Variants in FRMD5 observed in about 807,000 individuals in gnomAD.
FRMD5 encodes the protein FERM domain-containing protein 5.
FRMD5 carries 20 observed loss-of-function variants against 69.0 expected under a neutral mutation model. The ratio of observed to expected loss-of-function variants is 0.29; its 90% confidence interval spans 0.20 to 0.42. FRMD5 has a LOEUF of 0.42. Among genes scored for constraint, FRMD5 ranks in the 10% least tolerant of loss-of-function variants. The probability of loss-of-function intolerance (pLI) is 1.00; values close to 1 mark genes in which losing one functional copy is unlikely to be tolerated. For synonymous variants in FRMD5, 271 were observed against 260.1 expected, an observed-to-expected ratio of 1.04 and a Z score of -0.40; for missense variants, 595 against 708.6, an observed-to-expected ratio of 0.84 and a Z score of 1.82.
chr15:44,139,727 CAAAAAAAA>C (rs71111842), intron 1 of FRMD5, among the ~76,000 whole-genome samples: 2 of 72,026 alleles, frequency 2.8e-5, no homozygotes, highest in Non-Finnish European at 4.8e-5. Flanking sequence ...CCAGTCTCTA[CAAAAAAAA>C]AAAAAAAAAA....
intron 1 of FRMD5, among the ~76,000 whole-genome samples, chr15:43,960,875 A>C (rs2090188001): frequency 6.6e-6 from 1 of 152,026 alleles, no homozygotes; most frequent in Non-Finnish European, 1.5e-5. Flanking sequence ...GACAAATTGA[A>C]GTCTAATCTT....
intron 1 of FRMD5, among the ~76,000 whole-genome samples, chr15:43,992,600 A>C (rs1889739218): frequency 6.6e-6 from 1 of 151,646 alleles, no homozygotes; most frequent in Non-Finnish European, 1.5e-5. Context: ...CTGGTCTCGA[A>C]CTCCTGATCT....
chr15:43,976,523 A>T (rs1053626080), intron 1 of FRMD5, among the ~76,000 whole-genome samples: 3 of 152,224 alleles, frequency 2.0e-5, no homozygotes, highest in African/African-American at 7.2e-5. Context: ...GGTGTTAGGA[A>T]GAGTTTTAAA....
chr15:44,096,822 TCAC>T (rs1171435673), intron 1 of FRMD5, among the ~76,000 whole-genome samples: 1 of 152,142 alleles, frequency 6.6e-6, no homozygotes, highest in East Asian at 1.9e-4. Context: ...CAATGTGCAG[TCAC>T]CACTCTGTAT....
intron 4 of FRMD5, among the ~76,000 whole-genome samples, chr15:43,918,548 T>C (rs903346788): frequency 6.6e-6 from 1 of 152,200 alleles, no homozygotes; most frequent in African/African-American, 2.4e-5. Flanking sequence ...AACCCGTCTA[T>C]ATGGCTGGCA....
intron 4 of FRMD5, among the ~76,000 whole-genome samples, chr15:43,911,095 T>G (rs1427812563): frequency 6.6e-6 from 1 of 152,240 alleles, no homozygotes; most frequent in Non-Finnish European, 1.5e-5. Context: ...TTGCTCTTCT[T>G]AGAAGACCTG....
chr15:44,042,561 A>G lies in FRMD5; in HGVS notation c.103-118252T>C, dbSNP rs538261312. ...ACTGGCAAACTGAATCCAGCAGCACATCAAAAAGCTTATCCACCACGATCA... is the reference window on the plus strand; with the variant it reads ...ACTGGCAAACTGAATCCAGCAGCACGTCAAAAAGCTTATCCACCACGATCA... On this transcript the variant is annotated intron_variant, in intron 1 of 13. Coordinates refer to ENST00000417257, the MANE Select transcript of FRMD5 (RefSeq NM_032892.5). 3.3e-5 allele frequency among the ~76,000 whole-genome samples: 5 copies of G among 152,360 alleles called. No individual in the cohort carries two copies. The South Asian group carries it at 1.0e-3, about 32-fold the overall frequency.
chr15:44,091,729 T>A (rs897698229), intron 1 of FRMD5, among the ~76,000 whole-genome samples: 4 of 152,192 alleles, frequency 2.6e-5, no homozygotes, highest in Non-Finnish European at 5.9e-5. Flanking sequence ...TTTTTTTTAT[T>A]GAGAAAAGAA....
upstream of FRMD5, among the ~76,000 whole-genome samples, chr15:44,199,358 T>C (rs563076126): frequency 1.3e-5 from 2 of 152,358 alleles, no homozygotes; most frequent in South Asian, 2.1e-4. Context: ...TTCTGGTTCA[T>C]GTGGCTGAAG....
At chr15:44,197,055 G>T (rs2615302), upstream of FRMD5, among the ~76,000 whole-genome samples, 31 of 152,164 alleles carry the variant, frequency 2.0e-4, no homozygotes, top group African/African-American at 7.0e-4. Flanking sequence ...ACAAAAATTA[G>T]CCGGGTGTGG....
In FRMD5 at chr15:44,088,801, T is replaced by G. The variant is rs1379416447; in HGVS notation, c.102+106152A>C. 5.3e-5 allele frequency among the ~76,000 whole-genome samples: 8 copies of G among 152,266 alleles called. No individual in the cohort carries two copies. The East Asian group carries it at 1.5e-3, about 29-fold the overall frequency. ...TTTTACAAAGGAGGAAGCTGAGATT[T>G]AGAAAGGTTAACTAGCTCGCCCAAA... On this transcript the variant is annotated intron_variant, in intron 1 of 13. Transcript: ENST00000417257.
chr15:44,037,490 A>G (rs1196988837), intron 1 of FRMD5, among the ~76,000 whole-genome samples: 1 of 133,546 alleles, frequency 7.5e-6, no homozygotes, highest in Non-Finnish European at 1.6e-5. Flanking sequence ...TTTTTTTGAT[A>G]TGGAGTCTTG....
chr15:43,888,816 T>C lies in FRMD5; in HGVS notation c.785A>G (p.Gln262Arg). 1 of 1,613,644 alleles carries C rather than the reference T, an allele frequency of 6.2e-7. No individual in the cohort carries two copies. Among genetic ancestry groups the C allele is most frequent in the Non-Finnish European group, 8.5e-7 (1 of 1,179,510 alleles). The change falls in exon 9 of 14, where the codon CAG (glutamine) becomes CGG (arginine). Residue 262 changes from glutamine (Q) to arginine (R), a missense_variant. Physicochemically the swap from Gln to Arg is conservative, Grantham distance 43 (BLOSUM62 1). This residue lies in a region of FRMD5 where 176 missense variants were observed against 266.3 expected (regional missense o/e 0.66). Transcript: ENST00000417257. ...AAGGAAGCCAGCACTCACCTCTTTC[T>C]GACTTACGTATAAATAGAAAGTCTT... ...EGKTFYLYVS[Q>R]KEEKKIILTY...
chr15:44,022,147 T>C (rs891529375), intron 1 of FRMD5, among the ~76,000 whole-genome samples: 2 of 152,280 alleles, frequency 1.3e-5, no homozygotes, highest in Middle Eastern at 3.4e-3. Context: ...AGTAATAGTT[T>C]CTGTTTGGGA....
chr15:44,165,679 T>C (rs1337135804), intron 1 of FRMD5, among the ~76,000 whole-genome samples: 1 of 151,646 alleles, frequency 6.6e-6, no homozygotes, highest in African/African-American at 2.4e-5. Flanking sequence ...CTACAAAAAA[T>C]ACAAAAATTA....
intron 1 of FRMD5, among the ~76,000 whole-genome samples, chr15:44,096,098 C>T (rs925873879): frequency 2.7e-5 from 4 of 148,378 alleles, no homozygotes; most frequent in Admixed American, 6.8e-5. Context: ...CCAAGATATT[C>T]GGGAGGCTGA....
Position 43,905,842 on chromosome 15 carries a change from G to C in FRMD5, c.537C>G (p.His179Gln), listed in dbSNP as rs1029898743. Reference sequence around the variant, plus strand: ...GTGCCACGTACCTCAGTTCCGTCTTGTGAATCTCAGCAATTTTCCTTTCCA... The same window carrying C: ...GTGCCACGTACCTCAGTTCCGTCTTCTGAATCTCAGCAATTTTCCTTTCCA... The part of the protein sequence containing the change: ...EKLERKIAEI[H>Q]KTELSGQTPA... The change falls in exon 6 of 14, where the codon CAC becomes CAG. Residue 179 changes from histidine to glutamine, a missense_variant. Coordinates refer to ENST00000417257, the MANE Select transcript of FRMD5 (RefSeq NM_032892.5). 1.2e-6 allele frequency: 2 copies of C among 1,614,098 alleles called. No individual in the cohort carries two copies. Among genetic ancestry groups the C allele is most frequent in the Non-Finnish European group, 8.5e-7 (1 of 1,180,046 alleles).
intron 1 of FRMD5, among the ~76,000 whole-genome samples, chr15:43,970,184 A>C (rs1178767582): frequency 6.6e-6 from 1 of 152,232 alleles, no homozygotes; most frequent in African/African-American, 2.4e-5. Flanking sequence ...ATAAATCTCT[A>C]TTCTCAGAAA....
intron 13 of FRMD5, among the ~76,000 whole-genome samples, chr15:43,878,037 C>T (rs560671748): frequency 2.6e-5 from 4 of 152,276 alleles, no homozygotes; most frequent in African/African-American, 9.6e-5. Flanking sequence ...CAGTCTTACT[C>T]CATTGCCTAG....
Sources: gnomAD v4.1 joint callset for allele counts (sites outside exome capture counted in the v4.1 genomes callset) on GRCh38, gnomAD v4.1.1 for gene constraint, gnomAD v4.1.1 regional missense constraint, MANE v1.5 for transcripts, NCBI Gene and HGNC (gene_info 2026-07-23, HGNC 2026-07-21) for gene names.